LMCD1: variants seen among roughly 807,000 people sequenced by gnomAD.
LMCD1 encodes the protein LIM and cysteine-rich domains protein 1.
LMCD1 carries 32 observed loss-of-function variants against 42.7 expected under a neutral mutation model. The ratio of observed to expected loss-of-function variants is 0.75; its 90% CI spans 0.57 to 1.01. The LOEUF is 1.01. Among genes scored for constraint, LMCD1 ranks in the 50% least tolerant of loss-of-function variants. The pLI, the probability that LMCD1 is intolerant of heterozygous loss-of-function variation, is 0.00. For missense variants in LMCD1, 458 were observed against 483.1 expected, an observed-to-expected ratio of 0.95 and a Z score of 0.49; for synonymous variants, 178 against 184.9, an observed-to-expected ratio of 0.96 and a Z score of 0.30.
At chr3:8,526,024 T>C (rs981754672) in intron 1 of LMCD1, among the ~76,000 whole-genome samples, 1 of 152,178 alleles carries the variant, frequency 6.6e-6, no homozygotes, top group African/African-American at 2.4e-5. Flanking sequence ...GGGAGGTAGG[T>C]AGAACTATAT....
Position 8,501,887 on chromosome 3 carries a change from C to T in LMCD1, c.-52C>T, listed in dbSNP as rs1559341767. On this transcript the variant is annotated 5_prime_UTR_variant, in exon 1 of 6. Transcript: ENST00000157600. ...AGCCGCCGCTGTCCCCGCTGCGCGC[C>T]CTCGCGCCTCTGCCTGAGAAGCCAG... The T allele has an allele frequency of 5.2e-6, 8 of 1,547,560 alleles. No homozygotes were observed. Among genetic ancestry groups the T allele is most frequent in the South Asian group, 1.2e-5 (1 of 85,152 alleles).
At chr3:8,549,268 G>A (rs7648284) in intron 4 of LMCD1, among the ~76,000 whole-genome samples, 22,577 of 152,122 alleles carry the variant, frequency 0.15, 1,822 homozygotes, top group African/African-American at 0.2. Flanking sequence ...AGGGGAGGAT[G>A]TGTACCCCCT....
intron 1 of LMCD1, among the ~76,000 whole-genome samples, chr3:8,509,195 A>C (rs1174181846): frequency 2.0e-5 from 3 of 152,152 alleles, no homozygotes; most frequent in Non-Finnish European, 2.9e-5. Context: ...TGATGCAAAA[A>C]TCCCATAGGT....
intron 1 of LMCD1, among the ~76,000 whole-genome samples, chr3:8,517,828 T>C (rs563162765): frequency 9.2e-5 from 14 of 152,236 alleles, no homozygotes; most frequent in Non-Finnish European, 1.6e-4. Context: ...ACTTTAGAGA[T>C]AATTTTTTTC....
intron 4 of LMCD1, among the ~76,000 whole-genome samples, chr3:8,562,884 T>C (rs1297108130): frequency 2.6e-5 from 4 of 152,232 alleles, no homozygotes; most frequent in African/African-American, 9.6e-5. Context: ...ACACAGTAGA[T>C]GCTCAGTAAA....
intron 1 of LMCD1, among the ~76,000 whole-genome samples, chr3:8,519,183 T>G (rs1694154259): frequency 6.6e-6 from 1 of 152,160 alleles, no homozygotes; most frequent in African/African-American, 2.4e-5. Context: ...TATACATAAT[T>G]AAATAATTAC....
In LMCD1 at chr3:8,521,071, A is replaced by T. The variant is rs540775839; in HGVS notation, c.43-11666A>T. On this transcript the variant is annotated intron_variant, in intron 1 of 5. Transcript: ENST00000157600. ...AAGGGAGCTGGTGTCAAAGGAAAAT[A>T]TTAGTTCAGCCTTAAAAATCCTATC... Among the ~76,000 whole-genome samples, 5 of 152,328 alleles carry T rather than the reference A, an allele frequency of 3.3e-5. No homozygotes were observed. The South Asian group carries it at 1.0e-3, about 32-fold the overall frequency.
intron 1 of LMCD1, among the ~76,000 whole-genome samples, chr3:8,522,596 C>T (rs1414697080): frequency 1.3e-5 from 2 of 152,164 alleles, no homozygotes; most frequent in Admixed American, 1.3e-4. Flanking sequence ...TCCACCTTGG[C>T]AGGTTGGGCT....
chr3:8,519,753 AAG>A (rs201903203), intron 1 of LMCD1, among the ~76,000 whole-genome samples: 5,989 of 150,748 alleles, frequency 0.04, 175 homozygotes, highest in African/African-American at 0.086. Flanking sequence ...AAAAAAAAAA[AAG>A]AAAAGAAAAG....
intron 4 of LMCD1, chr3:8,551,302 A>G: frequency 1.0e-6 from 1 of 985,452 alleles, no homozygotes. Flanking sequence ...GCCTTAAAAA[A>G]TGGGATCTAT....
intron 3 of LMCD1, among the ~76,000 whole-genome samples, chr3:8,547,666 G>A (rs1415294173): frequency 6.6e-6 from 1 of 152,128 alleles, no homozygotes; most frequent in Non-Finnish European, 1.5e-5. Flanking sequence ...ACCGAGGCGG[G>A]TGCATCACTA....
At position 8,572,587 on chromosome 3, in the gene LMCD1, T is replaced by C. The variant is rs999042065; in HGVS notation, c.*4989T>C. The stretch of plus-strand genomic sequence containing the variant: ...TTTAGTGTTTATTAGCATTCTACTA[T>C]AAGGAAAAGCACTATCTTCTCCCCA... On this transcript the variant is annotated 3_prime_UTR_variant, in exon 6 of 6. Transcript: ENST00000157600. The C allele has an allele frequency of 2.6e-5, 4 of 152,216 alleles. No individual in the cohort carries two copies. The highest frequency in any genetic ancestry group is 9.6e-5 in the African/African-American group (4 of 41,460). 9.4% of individuals were successfully genotyped at this position (152,216 alleles called of 1,614,324 possible). A position where few individuals can be genotyped will look rare whatever the true frequency, so the allele number is the denominator to read the frequency against.
intron 1 of LMCD1, among the ~76,000 whole-genome samples, chr3:8,526,131 A>AC (rs1419201541): frequency 1.1e-4 from 16 of 151,828 alleles, no homozygotes; most frequent in African/African-American, 3.9e-4. Flanking sequence ...TTTAAGGAGC[A>AC]CTCCCCTCCT....
chr3:8,519,267 A>T (rs769810407), intron 1 of LMCD1, among the ~76,000 whole-genome samples: 1 of 152,194 alleles, frequency 6.6e-6, no homozygotes, highest in Non-Finnish European at 1.5e-5. Context: ...CTGAGGGATA[A>T]ATAGAAGTTT....
chr3:8,521,810 G>A (rs1291354980), intron 1 of LMCD1, among the ~76,000 whole-genome samples: 1 of 152,172 alleles, frequency 6.6e-6, no homozygotes, highest in African/African-American at 2.4e-5. Flanking sequence ...GATTCGGTTG[G>A]TAGACCAGAT....
chr3:8,527,250 C>G (rs1401625323), intron 1 of LMCD1, among the ~76,000 whole-genome samples: 2 of 152,102 alleles, frequency 1.3e-5, no homozygotes, highest in African/African-American at 4.8e-5. Flanking sequence ...TGATTAAAGG[C>G]CAGTATAGGA....
intron 2 of LMCD1, among the ~76,000 whole-genome samples, chr3:8,533,073 T>C (rs1694443302): frequency 1.3e-5 from 2 of 151,036 alleles, no homozygotes; most frequent in South Asian, 4.2e-4. Context: ...CAAGGTAGAG[T>C]CCACCAAACC....
chr3:8,532,762 C>T lies in LMCD1; in HGVS notation c.68C>T (p.Ala23Val), dbSNP rs1371116743. 1.9e-6 allele frequency: 3 copies of T among 1,613,624 alleles called. No homozygotes were observed. The highest frequency in any genetic ancestry group is 2.5e-6 in the Non-Finnish European group (3 of 1,179,830). The change falls in exon 2 of 6, where the codon GCA becomes GTA. Residue 23 changes from alanine (A) to valine (V), a missense_variant. Ala to Val is a moderately conservative substitution (Grantham distance 64). Transcript: ENST00000157600. ...ATGTCCCTGGGCCAGCTGCAGTCAGCAAGAGGTGTGGCATGTTTGGGATGC... is the reference window on the plus strand; with the variant it reads ...ATGTCCCTGGGCCAGCTGCAGTCAGTAAGAGGTGTGGCATGTTTGGGATGC... ...KKMSLGQLQS[A>V]RGVACLGCKG... is the part of the protein sequence containing the mutation.
At chr3:8,542,967 G>A (rs1412227962) in intron 3 of LMCD1, among the ~76,000 whole-genome samples, 2 of 152,188 alleles carry the variant, frequency 1.3e-5, no homozygotes, top group East Asian at 3.9e-4. Flanking sequence ...GGAGAAGTCA[G>A]CAGTCTTCCC....
Sources: gnomAD v4.1 joint callset for allele counts (sites outside exome capture counted in the v4.1 genomes callset) on GRCh38, gnomAD v4.1.1 for gene constraint, MANE v1.5 for transcripts, NCBI Gene and HGNC (gene_info 2026-07-23, HGNC 2026-07-21) for gene names.